OPCML: variants seen among roughly 807,000 people sequenced by gnomAD.
The protein encoded by OPCML is opioid-binding protein/cell adhesion molecule.
A neutral mutation model predicts 37.8 loss-of-function variants in OPCML; 13 were observed. That is an observed-to-expected ratio of 0.34 (90% confidence interval 0.22 to 0.55). The LOEUF is 0.55. Ranked by LOEUF, OPCML falls within the 20% of genes least tolerant of loss-of-function variation. OPCML has a pLI of 0.91. For missense variants in OPCML, 341 were observed against 435.6 expected, an observed-to-expected ratio of 0.78 and a Z score of 1.93; for synonymous variants, 176 against 168.8, an observed-to-expected ratio of 1.04 and a Z score of -0.33.
chr11:132,444,804 C>T (rs1446285632), intron 4 of OPCML, among the ~76,000 whole-genome samples: 1 of 152,160 alleles, frequency 6.6e-6, no homozygotes, highest in Non-Finnish European at 1.5e-5. Context: ...GCCCGCCCTC[C>T]TTAATTAAAC....
chr11:133,132,025 AAAC>A (rs1249308354), intron 1 of OPCML, among the ~76,000 whole-genome samples: 1 of 152,314 alleles, frequency 6.6e-6, no homozygotes, highest in Non-Finnish European at 1.5e-5. Flanking sequence ...AACTTTCATA[AAAC>A]AACAAAGTGA....
chr11:133,415,408 TAA>T (rs530082319), intron 1 of OPCML, among the ~76,000 whole-genome samples: 12 of 139,416 alleles, frequency 8.6e-5, no homozygotes, highest in Non-Finnish European at 8.0e-5. Flanking sequence ...AGACTTCGTC[TAA>T]AAAAAAAAAA....
chr11:133,282,408 C>T lies in OPCML; in HGVS notation c.61+249856G>A, dbSNP rs1365430345. Among the ~76,000 whole-genome samples the T allele has an allele frequency of 2.0e-5, 3 of 152,194 alleles. No individual in the cohort carries two copies. The East Asian group carries it at 5.8e-4, about 29-fold the overall frequency. On this transcript the variant is annotated intron_variant, in intron 1 of 7. Transcript: ENST00000524381. ...AAGCCTTGGCAGCTTGCACATGGCG[C>T]TAAGTCAGCAGGCTCACAGAATGCA...
At chr11:133,190,154 T>C (rs1938243992) in intron 1 of OPCML, among the ~76,000 whole-genome samples, 1 of 152,220 alleles carries the variant, frequency 6.6e-6, no homozygotes, top group African/African-American at 2.4e-5. Context: ...CCAAACATGC[T>C]GTGACCAGCT....
At chr11:132,867,664 G>T (rs1013241820) in intron 2 of OPCML, among the ~76,000 whole-genome samples, 9 of 152,162 alleles carry the variant, frequency 5.9e-5, no homozygotes, top group African/African-American at 2.2e-4. Context: ...GAGCTGAAGG[G>T]TTATTCGTTT....
At chr11:132,901,674 G>T (rs1591777692) in intron 2 of OPCML, among the ~76,000 whole-genome samples, 6 of 152,308 alleles carry the variant, frequency 3.9e-5, no homozygotes, top group Admixed American at 2.6e-4. Flanking sequence ...TCCGAGATGG[G>T]CACGGTGCGT....
intron 2 of OPCML, among the ~76,000 whole-genome samples, chr11:132,927,889 G>GT (rs1945052271): frequency 6.6e-6 from 1 of 151,994 alleles, no homozygotes; most frequent in African/African-American, 2.4e-5. Flanking sequence ...ATTTAAAATA[G>GT]TTTTTCTAAC....
At chr11:132,787,685 T>C (rs1283868133) in intron 2 of OPCML, among the ~76,000 whole-genome samples, 2 of 152,166 alleles carry the variant, frequency 1.3e-5, no homozygotes, top group African/African-American at 2.4e-5. Flanking sequence ...TGAATTCCTA[T>C]GTTTGACTTC....
intron 3 of OPCML, among the ~76,000 whole-genome samples, chr11:132,542,334 A>C (rs1208194396): frequency 6.6e-6 from 1 of 152,204 alleles, no homozygotes; most frequent in African/African-American, 2.4e-5. Context: ...ACTGTCCAGC[A>C]GATCTTTCTG....
rs187083929 is a variant in OPCML, at chr11:132,861,778, T to C, written c.146+81148A>G. Among the ~76,000 whole-genome samples, 154 of 148,996 alleles carry C rather than the reference T, an allele frequency of 1.0e-3. 2 individuals are homozygous for C. The highest frequency in any genetic ancestry group is 3.6e-3 in the African/African-American group (145 of 40,146). On this transcript the variant is annotated intron_variant, in intron 2 of 7. Coordinates refer to ENST00000524381, the MANE Select transcript of OPCML (RefSeq NM_001012393.5). ...TGAACCCGGGAGGCGGAGCTTGCAG[T>C]GAGCTGAGATCGCACCATTGCACTC...
At chr11:133,428,849 T>C (rs1389620660) in intron 1 of OPCML, among the ~76,000 whole-genome samples, 1 of 152,210 alleles carries the variant, frequency 6.6e-6, no homozygotes, top group African/African-American at 2.4e-5. Context: ...CTTTTAAAGT[T>C]AAGCTGGCAT....
Position 132,420,130 on chromosome 11 carries a change from A to G in OPCML, c.*63T>C. The G allele has an allele frequency of 7.1e-7, 1 of 1,404,162 alleles. No individual in the cohort carries two copies. Among genetic ancestry groups the G allele is most frequent in the Non-Finnish European group, 1.0e-6 (1 of 996,686 alleles). 87.0% of individuals were successfully genotyped at this position (1,404,162 alleles called of 1,614,324 possible). A position where few individuals can be genotyped will look rare whatever the true frequency, so the allele number is the denominator to read the frequency against. ...AAGCCCAAGCTGGTTTGCTCTCCGCAGTGTAGATTAAAGTCTGTGATATGG... is the reference window on the plus strand; with the variant it reads ...AAGCCCAAGCTGGTTTGCTCTCCGCGGTGTAGATTAAAGTCTGTGATATGG... On this transcript the variant is annotated 3_prime_UTR_variant, in exon 8 of 8. Transcript: ENST00000524381.
intron 1 of OPCML, among the ~76,000 whole-genome samples, chr11:133,153,133 C>G (rs1002094490): frequency 6.6e-6 from 1 of 152,100 alleles, no homozygotes; most frequent in Non-Finnish European, 1.5e-5. Context: ...AGTCAAGCCT[C>G]CCACATTCTG....
intron 1 of OPCML, among the ~76,000 whole-genome samples, chr11:133,318,527 A>G (rs1190159670): frequency 6.6e-6 from 1 of 152,134 alleles, no homozygotes; most frequent in East Asian, 1.9e-4. Context: ...TTCCTGGGCT[A>G]TAAATTCCCA....
At chr11:132,731,964 A>T (rs1945092644) in intron 2 of OPCML, among the ~76,000 whole-genome samples, 1 of 152,172 alleles carries the variant, frequency 6.6e-6, no homozygotes, top group African/African-American at 2.4e-5. Flanking sequence ...TATATACCAT[A>T]CGTACTAAGA....
chr11:133,343,373 T>G (rs1247220746), intron 1 of OPCML, among the ~76,000 whole-genome samples: 2 of 152,142 alleles, frequency 1.3e-5, no homozygotes, highest in African/African-American at 4.8e-5. Context: ...CAAATCTCCC[T>G]CATTAGATAA....
chr11:132,931,025 A>C (rs899692537), intron 2 of OPCML, among the ~76,000 whole-genome samples: 2 of 152,294 alleles, frequency 1.3e-5, no homozygotes, highest in East Asian at 3.9e-4. Flanking sequence ...TACATGCTCA[A>C]ATTACTTTTA....
intron 1 of OPCML, among the ~76,000 whole-genome samples, chr11:133,154,207 C>T (rs532280780): frequency 7.9e-4 from 109 of 137,612 alleles, no homozygotes; most frequent in Non-Finnish European, 1.3e-3. Context: ...CGAATGTGCT[C>T]ATGCTTCTGA....
At chr11:133,530,300 C>T (rs1026160756) in intron 1 of OPCML, among the ~76,000 whole-genome samples, 17 of 152,348 alleles carry the variant, frequency 1.1e-4, no homozygotes, top group African/African-American at 2.6e-4. Flanking sequence ...CTTCAGGGCG[C>T]GCTGCAATGC....
Sources: gnomAD v4.1 joint callset for allele counts (sites outside exome capture counted in the v4.1 genomes callset) on GRCh38, gnomAD v4.1.1 for gene constraint, MANE v1.5 for transcripts, NCBI Gene and HGNC (gene_info 2026-07-23, HGNC 2026-07-21) for gene names.